The following PCDH10 variants were observed in gnomAD, a reference collection of about 807,000 sequenced individuals.
PCDH10 encodes protocadherin 10, also known as protocadherin-10.
Under a neutral mutation model 74.4 loss-of-function variants are expected in PCDH10, and 15 were observed. The ratio of observed to expected loss-of-function variants is 0.20; its 90% CI spans 0.13 to 0.31. The LOEUF is 0.31. Ranked by LOEUF, PCDH10 falls within the 10% of genes least tolerant of loss-of-function variation. PCDH10 has a pLI of 1.00. For missense variants in PCDH10, 1,260 were observed against 1,390.2 expected (o/e 0.91, Z 1.49); for synonymous variants, 619 against 589.8 (o/e 1.05, Z -0.72).
intron 1 of PCDH10, chr4:133,153,224 A>G: frequency 9.5e-7 from 1 of 1,047,902 alleles, no homozygotes; most frequent in Non-Finnish European, 1.2e-6. Context: ...CGCGTGTACA[A>G]GTAAGCTATA....
rs1727699236 is a variant in PCDH10 at position 133,192,464 on chromosome 4, G to A, written c.*2304G>A. ...GAAAATAAGATTATACTCACTTCAT[G>A]TATAGTAATTATATTGTCATTTACC... is the stretch of plus-strand genomic sequence containing the variant. On this transcript the variant is annotated 3_prime_UTR_variant, in exon 5 of 5. Coordinates refer to ENST00000264360, the MANE Select transcript of PCDH10 (RefSeq NM_032961.3). 1 of 151,326 alleles carries A rather than the reference G, an allele frequency of 6.6e-6. No homozygotes were observed. The highest frequency in any genetic ancestry group is 6.6e-5 in the Admixed American group (1 of 15,160). The allele number at this position is 151,326 out of a possible 1,614,324, so 9.4% of individuals were successfully genotyped here. A position where few individuals can be genotyped will look rare whatever the true frequency, so the allele number is the denominator to read the frequency against.
At position 133,152,136 on chromosome 4, in the gene PCDH10, C is replaced by T; in HGVS notation, c.1996C>T (p.Pro666Ser). Residue 666 changes from proline (P) to serine (S), a missense_variant, in exon 1 of 5, where the codon CCG (proline) becomes TCG (serine). Pro to Ser is a moderately conservative substitution (Grantham distance 74). Transcript: ENST00000264360. ...LVIEVRDHGQPPLSSTATLVV... is the reference protein window; with the variant it reads ...LVIEVRDHGQSPLSSTATLVV... Reference sequence around the variant, plus strand: ...GATCGAGGTGCGCGACCATGGGCAGCCGCCCCTTTCCTCCACCGCCACCCT... The same window carrying T: ...GATCGAGGTGCGCGACCATGGGCAGTCGCCCCTTTCCTCCACCGCCACCCT... 1 of 1,564,726 alleles carries T rather than the reference C, an allele frequency of 6.4e-7. No individual in the cohort carries two copies.
At chr4:133,198,565 A>T (rs916391982), downstream of PCDH10, among the ~76,000 whole-genome samples, 4 of 152,190 alleles carry the variant, frequency 2.6e-5, no homozygotes, top group Non-Finnish European at 2.9e-5. Flanking sequence ...ACAATGATGT[A>T]TGGCCTCACA....
At chr4:133,167,988 T>C (rs1379419615) in intron 4 of PCDH10, among the ~76,000 whole-genome samples, 1 of 151,284 alleles carries the variant, frequency 6.6e-6, no homozygotes, top group Non-Finnish European at 1.5e-5. Flanking sequence ...ATGCTACTTA[T>C]TTTAAAAATA....
chr4:133,162,806 G>T (rs1214410517), intron 3 of PCDH10, among the ~76,000 whole-genome samples, 171 bp from the exon 4 acceptor site: 1 of 152,144 alleles, frequency 6.6e-6, no homozygotes, highest in Non-Finnish European at 1.5e-5. Flanking sequence ...TTTTTAAAGT[G>T]ATGAACAAAA....
At chr4:133,186,648 G>A (rs1727546247) in intron 4 of PCDH10, among the ~76,000 whole-genome samples, 1 of 151,838 alleles carries the variant, frequency 6.6e-6, no homozygotes, top group African/African-American at 2.4e-5. Flanking sequence ...TATTTTTTTT[G>A]TGGGGAGGGT....
At chr4:133,205,252 T>C (rs1238290575) in intron 2 of PCDH10, among the ~76,000 whole-genome samples, 1 of 152,136 alleles carries the variant, frequency 6.6e-6, no homozygotes, top group Non-Finnish European at 1.5e-5. Context: ...GTATCTAGCA[T>C]GAAAAAGACC....
chr4:133,178,278 C>T (rs1347641662), intron 4 of PCDH10, among the ~76,000 whole-genome samples: 1 of 151,592 alleles, frequency 6.6e-6, no homozygotes, highest in Non-Finnish European at 1.5e-5. Context: ...CTCTTGTTGC[C>T]CAGGCTAGAG....
intron 4 of PCDH10, among the ~76,000 whole-genome samples, chr4:133,183,922 A>G (rs959519454): frequency 1.3e-5 from 2 of 152,162 alleles, no homozygotes; most frequent in African/African-American, 4.8e-5. Context: ...TCATTGATGT[A>G]TATTTCTGTT....
At chr4:133,156,873 T>C (rs1726877397) in intron 3 of PCDH10, among the ~76,000 whole-genome samples, 1 of 152,194 alleles carries the variant, frequency 6.6e-6, no homozygotes, top group African/African-American at 2.4e-5. Context: ...CATATTCTTA[T>C]CAGTGCATCT....
chr4:133,180,637 C>T lies in PCDH10; in HGVS notation c.3104-9504C>T, dbSNP rs1251458868. Among the ~76,000 whole-genome samples, 4 of 151,988 alleles carry T rather than the reference C, an allele frequency of 2.6e-5. No homozygotes were observed. In the East Asian group the frequency reaches 7.7e-4, roughly 29 times the overall value. On this transcript the variant is annotated intron_variant, in intron 4 of 4. Transcript: ENST00000264360. ...AAAACTTTTTAACCAGAATTCTTTACTGGCCCCAAGAAAGATTGATTAATT... is the reference window on the plus strand; with the variant it reads ...AAAACTTTTTAACCAGAATTCTTTATTGGCCCCAAGAAAGATTGATTAATT...
At chr4:133,180,684 A>C (rs1727397931) in intron 4 of PCDH10, among the ~76,000 whole-genome samples, 1 of 151,976 alleles carries the variant, frequency 6.6e-6, no homozygotes, top group Admixed American at 6.6e-5. Context: ...TTTTATTTAA[A>C]TTTATTGTAA....
In PCDH10 at chr4:133,150,830, C is replaced by A. The variant is rs778211955; in HGVS notation, c.690C>A (p.Arg230=). ...GGAGLPPQQQ[R]TGTALLTIRV... ...CAGGCCTGCCCCCCCAGCAGCAGCG[C>A]ACCGGCACGGCCCTACTCACCATCC... Residue 230 remains arginine, a synonymous_variant, in exon 1 of 5, where the codon CGC becomes CGA. Coordinates refer to ENST00000264360, the MANE Select transcript of PCDH10 (RefSeq NM_032961.3). The A allele has an allele frequency of 6.3e-7, 1 of 1,591,622 alleles. No individual in the cohort carries two copies. The highest frequency in any genetic ancestry group is 8.5e-7 in the Non-Finnish European group (1 of 1,170,340).
intron 4 of PCDH10, among the ~76,000 whole-genome samples, chr4:133,169,057 T>G: frequency 6.6e-6 from 1 of 151,678 alleles, no homozygotes; most frequent in Non-Finnish European, 1.5e-5. Flanking sequence ...TTCTAAGAAC[T>G]TATTTCATAT....
At chr4:133,199,126 A>T (rs74672524), downstream of PCDH10, among the ~76,000 whole-genome samples, 9 of 151,468 alleles carry the variant, frequency 5.9e-5, no homozygotes, top group East Asian at 1.9e-4. Context: ...TACAAAAAAA[A>T]TTTTTAAAAA....
intron 2 of PCDH10, among the ~76,000 whole-genome samples, chr4:133,207,358 C>T (rs904478869): frequency 6.6e-6 from 1 of 152,156 alleles, no homozygotes; most frequent in Non-Finnish European, 1.5e-5. Context: ...TACTTGAGGT[C>T]AATTTAATTA....
intron 4 of PCDH10, among the ~76,000 whole-genome samples, chr4:133,165,451 C>T (rs959634758): frequency 1.3e-5 from 2 of 151,504 alleles, no homozygotes; most frequent in Non-Finnish European, 3.0e-5. Flanking sequence ...TATTCCTGAC[C>T]ATTTTGCCCC....
intron 4 of PCDH10, among the ~76,000 whole-genome samples, chr4:133,180,691 G>A (rs890611604): frequency 4.1e-4 from 63 of 151,916 alleles, no homozygotes; most frequent in African/African-American, 1.5e-3. Flanking sequence ...TAAATTTATT[G>A]TAATACTTTG....
rs114520046 is a variant in PCDH10, at chr4:133,158,916, A to G, written c.2797+3893A>G. Reference sequence around the variant, plus strand: ...ATGGTGAAAAATATATACATTTTGAAAGATTATTGGTAGGGAGAAAATTTT... The same window carrying G: ...ATGGTGAAAAATATATACATTTTGAGAGATTATTGGTAGGGAGAAAATTTT... On this transcript the variant is annotated intron_variant, in intron 3 of 4. Coordinates refer to ENST00000264360, the MANE Select transcript of PCDH10 (RefSeq NM_032961.3). Among the ~76,000 whole-genome samples the G allele has an allele frequency of 2.9e-3, 437 of 152,174 alleles. 1 individual carries two copies. The highest frequency in any genetic ancestry group is 9.2e-3 in the African/African-American group (384 of 41,550).
Sources: allele counts gnomAD v4.1 joint callset (sites outside exome capture counted in the v4.1 genomes callset), GRCh38; gene constraint gnomAD v4.1.1; transcripts MANE v1.5; gene names NCBI Gene and HGNC (gene_info 2026-07-23, HGNC 2026-07-21).